Variants in BCO1 observed in about 807,000 individuals in gnomAD.
BCO1 encodes the protein beta,beta-carotene 15,15'-dioxygenase.
A neutral mutation model predicts 56.3 loss-of-function variants in BCO1; 54 were observed. That is an observed-to-expected ratio of 0.96 (90% CI 0.77 to 1.20). The LOEUF is 1.20. BCO1 is among the 50% of genes most tolerant of loss of function. The pLI is 0.00. For synonymous variants in BCO1, 318 were observed against 266.1 expected (o/e 1.20, Z -1.90); for missense variants, 801 against 690.9 (o/e 1.16, Z -1.79).
In BCO1 at chr16:81,290,574, C is replaced by G. The variant is rs780508485; in HGVS notation, c.1641C>G (p.Thr547=). The G allele has an allele frequency of 2.5e-6, 4 of 1,612,492 alleles. No individual in the cohort carries two copies. Among genetic ancestry groups the G allele is most frequent in the Non-Finnish European group, 1.7e-6 (2 of 1,179,722 alleles). ...CCGACTGCCACGGGGCTCCTCTGACCTGATGGTGTTGGGGTTTGGGTAGGG... is the reference window on the plus strand; with the variant it reads ...CCGACTGCCACGGGGCTCCTCTGACGTGATGGTGTTGGGGTTTGGGTAGGG... ...RASDCHGAPL[T] The change falls in exon 11 of 11, where the codon ACC becomes ACG. Residue 547 remains threonine (T), a synonymous_variant. Transcript: ENST00000258168.
intron 2 of BCO1, among the ~76,000 whole-genome samples, chr16:81,257,599 G>A (rs188251272): frequency 8.0e-5 from 12 of 150,402 alleles, no homozygotes; most frequent in Admixed American, 6.0e-4. Flanking sequence ...AAGAAACTTC[G>A]CAGGCTAGGC....
chr16:81,263,069 C>A (rs1302340663), intron 4 of BCO1: 1 of 151,130 alleles, frequency 6.6e-6, no homozygotes, highest in African/African-American at 2.4e-5. Context: ...AGTCTTCACA[C>A]TGCCTCTCCT....
chr16:81,262,155 CACA>C lies in BCO1; in HGVS notation c.344_346del (p.His115_Thr116delinsPro), dbSNP rs761594340. 2 of 1,614,002 alleles carry C rather than the reference CACA, an allele frequency of 1.2e-6. No individual in the cohort carries two copies. The highest frequency in any genetic ancestry group is 2.2e-5 in the South Asian group (2 of 91,076). ...CCCCAGAGCTTTCTCCTACTTGTCT[CACA>C]CCATCCCCGATTTCACCGACAACTG... On this transcript the variant is annotated inframe_deletion, in exon 4 of 11. Coordinates refer to ENST00000258168, the MANE Select transcript of BCO1 (RefSeq NM_017429.3).
At chr16:81,278,403 C>G (rs1387202114) in intron 7 of BCO1, among the ~76,000 whole-genome samples, 2 of 152,136 alleles carry the variant, frequency 1.3e-5, no homozygotes, top group Non-Finnish European at 2.9e-5. Context: ...TGCATTTCCT[C>G]TCATTTGATT....
rs71710906 is a variant in BCO1 at position 81,246,850 on chromosome 16, C to CAAAAAAAAAAA, written c.193+1255_193+1265dup. Reference sequence around the variant, plus strand: ...TGGGAGACAGAGCCAGACTTTGTCTCAAAAAAAAAAAAAAAAAAGAAGAGT... The same window carrying CAAAAAAAAAAA: ...TGGGAGACAGAGCCAGACTTTGTCTCAAAAAAAAAAAAAAAAAAAAAAAAAAAAAGAAGAGT... On this transcript the variant is annotated intron_variant, in intron 2 of 10. Coordinates refer to ENST00000258168, the MANE Select transcript of BCO1 (RefSeq NM_017429.3). 1.8e-3 allele frequency among the ~76,000 whole-genome samples: 150 copies of CAAAAAAAAAAA among 83,304 alleles called. 4 individuals carry two copies. The highest frequency in any genetic ancestry group is 3.9e-3 in the African/African-American group (92 of 23,872). The allele number at this position is 83,304 out of a possible 152,430, so 54.7% of individuals were successfully genotyped here. A position where few individuals can be genotyped will look rare whatever the true frequency, so the allele number is the denominator to read the frequency against.
Position 81,268,036 on chromosome 16 carries a change from G to C in BCO1, c.748G>C (p.Glu250Gln). 1 of 1,613,626 alleles carries C rather than the reference G, an allele frequency of 6.2e-7. No individual in the cohort carries two copies. The highest frequency in any genetic ancestry group is 8.5e-7 in the Non-Finnish European group (1 of 1,180,002). Residue 250 changes from glutamate to glutamine, a missense_variant, in exon 6 of 11, where the codon GAG becomes CAG. Physicochemically the swap from Glu to Gln is conservative, Grantham distance 29. Coordinates refer to ENST00000258168, the MANE Select transcript of BCO1 (RefSeq NM_017429.3). ...CACCGAGAACTATGTCATCTTCCTT[G>C]AGCAGCCTTTCAGGTTGGATATTCT... ...GVTENYVIFLEQPFRLDILKM... is the reference protein window; with the variant it reads ...GVTENYVIFLQQPFRLDILKM...
At chr16:81,254,820 A>G (rs967969421) in intron 2 of BCO1, among the ~76,000 whole-genome samples, 3 of 152,118 alleles carry the variant, frequency 2.0e-5, no homozygotes, top group Non-Finnish European at 4.4e-5. Flanking sequence ...TTTTTGAGGC[A>G]GGGTCTTGCT....
intron 4 of BCO1, chr16:81,263,200 T>A (rs910839294): frequency 4.8e-5 from 7 of 146,198 alleles, no homozygotes; most frequent in African/African-American, 1.8e-4. Context: ...AACCTCCGCC[T>A]CCTGGGTTCA....
chr16:81,278,739 C>G (rs530741309), intron 7 of BCO1, among the ~76,000 whole-genome samples: 2 of 152,278 alleles, frequency 1.3e-5, no homozygotes, highest in Admixed American at 1.3e-4. Flanking sequence ...CACCCTCTAC[C>G]AGCAATGCTC....
At chr16:81,259,900 A>G (rs1906379398) in intron 3 of BCO1, 95 bp downstream of exon 3, 2 of 1,516,406 alleles carry the variant, frequency 1.3e-6, no homozygotes, top group Non-Finnish European at 1.8e-6. Context: ...AATTCTCTTT[A>G]GGGTAGATGA....
intron 10 of BCO1, 137 bp from the exon 11 acceptor site, chr16:81,290,211 A>G (rs749426284): frequency 1.3e-6 from 1 of 794,208 alleles, no homozygotes; most frequent in Non-Finnish European, 2.1e-6. Flanking sequence ...CCCTTCTGTT[A>G]CAGTGTCTCA....
intron 7 of BCO1, among the ~76,000 whole-genome samples, chr16:81,274,970 C>T (rs1240746047): frequency 6.6e-6 from 1 of 152,174 alleles, no homozygotes; most frequent in Non-Finnish European, 1.5e-5. Context: ...GGAAAGCAAG[C>T]CCTGGGATGG....
At position 81,238,970 on chromosome 16, in the gene BCO1, C is replaced by T; in HGVS notation, c.62C>T (p.Thr21Ile). ...CTGGAGCCTGTGAGGGCCAAAGTGA[C>T]AGGTGAGCATTCTGATAAACACTGG... The part of the protein sequence containing the change: ...EQLEPVRAKV[T>I]GKIPAWLQGT... The change falls in exon 1 of 11, where the codon ACA becomes ATA. Residue 21 changes from threonine to isoleucine, a missense_variant and splice_region_variant. Coordinates refer to ENST00000258168, the MANE Select transcript of BCO1 (RefSeq NM_017429.3). 3 of 1,613,244 alleles carry T rather than the reference C, an allele frequency of 1.9e-6. No individual in the cohort carries two copies. The highest frequency in any genetic ancestry group is 1.7e-6 in the Non-Finnish European group (2 of 1,179,362).
At chr16:81,253,292 T>C (rs1269768037) in intron 2 of BCO1, among the ~76,000 whole-genome samples, 1 of 152,154 alleles carries the variant, frequency 6.6e-6, no homozygotes, top group Admixed American at 6.6e-5. Context: ...ATCTCAATAC[T>C]CTACGCAGCT....
chr16:81,282,848 G>A (rs558652491), intron 8 of BCO1, among the ~76,000 whole-genome samples: 4 of 152,134 alleles, frequency 2.6e-5, no homozygotes, highest in Non-Finnish European at 5.9e-5. Context: ...GGTCCCTTCT[G>A]GCGAGTTCTC....
chr16:81,267,062 A>T (rs760714121), intron 5 of BCO1, among the ~76,000 whole-genome samples: 3 of 152,182 alleles, frequency 2.0e-5, no homozygotes, highest in Non-Finnish European at 4.4e-5. Context: ...AAGAAAACTG[A>T]ACACGTATTG....
At chr16:81,275,873 G>A (rs952813563) in intron 7 of BCO1, among the ~76,000 whole-genome samples, 2 of 152,176 alleles carry the variant, frequency 1.3e-5, no homozygotes, top group Non-Finnish European at 2.9e-5. Flanking sequence ...GCCTGTTTAC[G>A]CAGGGCGGTG....
At chr16:81,240,390 T>C (rs540154468) in intron 1 of BCO1, among the ~76,000 whole-genome samples, 36 of 152,252 alleles carry the variant, frequency 2.4e-4, no homozygotes, top group African/African-American at 7.5e-4. Flanking sequence ...ACTGTTCATC[T>C]GTACATATTT....
At chr16:81,271,166 G>A (rs1180146258) in intron 7 of BCO1, among the ~76,000 whole-genome samples, 2 of 151,752 alleles carry the variant, frequency 1.3e-5, no homozygotes, top group Non-Finnish European at 2.9e-5. Context: ...CCAGGCTGGA[G>A]TGCAGTGCCA....
Sources: allele counts gnomAD v4.1 joint callset (sites outside exome capture counted in the v4.1 genomes callset), GRCh38; gene constraint gnomAD v4.1.1; transcripts MANE v1.5; gene names NCBI Gene and HGNC (gene_info 2026-07-23, HGNC 2026-07-21).